The following ADAMTS18 variants were observed in gnomAD, a reference collection of about 807,000 sequenced individuals.
ADAMTS18 encodes A disintegrin and metalloproteinase with thrombospondin motifs 18.
A neutral mutation model predicts 165.9 loss-of-function variants in ADAMTS18; 157 were observed. The ratio of observed to expected loss-of-function variants is 0.95; its 90% CI spans 0.83 to 1.08. The LOEUF (loss-of-function observed/expected upper bound fraction) is 1.08. Among genes scored for constraint, ADAMTS18 ranks in the 50% least tolerant of loss-of-function variants. The pLI, the probability that ADAMTS18 is intolerant of heterozygous loss-of-function variation, is 0.00. For missense variants in ADAMTS18, 2,040 were observed against 1,534.0 expected, an observed-to-expected ratio of 1.33 and a Z score of -5.51; for synonymous variants, 782 against 578.2, an observed-to-expected ratio of 1.35 and a Z score of -5.06.
chr16:77,371,684 G>T (rs961493398), intron 3 of ADAMTS18, among the ~76,000 whole-genome samples: 6 of 152,038 alleles, frequency 3.9e-5, no homozygotes, highest in African/African-American at 1.4e-4. Context: ...GAAAACATAG[G>T]GAAAATACTT....
chr16:77,381,505 A>G (rs1457254212), intron 3 of ADAMTS18, among the ~76,000 whole-genome samples: 1 of 152,160 alleles, frequency 6.6e-6, no homozygotes, highest in East Asian at 1.9e-4. Flanking sequence ...GTTAAGTGGC[A>G]TTAAAATCAG....
chr16:77,364,648 G>C (rs910726770), intron 4 of ADAMTS18, among the ~76,000 whole-genome samples: 3 of 147,722 alleles, frequency 2.0e-5, no homozygotes, highest in African/African-American at 7.6e-5. Context: ...ATGGATGGAT[G>C]GTGGATGGAT....
rs530180955 is a variant in ADAMTS18 at position 77,363,094 on chromosome 16, G to A, written c.1056+708C>T. 8.5e-5 allele frequency among the ~76,000 whole-genome samples: 13 copies of A among 152,180 alleles called. No individual in the cohort carries two copies. In the East Asian group the frequency reaches 1.9e-3, roughly 23 times the overall value. The stretch of plus-strand genomic sequence containing the variant: ...GTTACAGAAGAAGAGGAAAAGCCTC[G>A]GGGGACTTAAAAAATAGCCATTTGA... On this transcript the variant is annotated intron_variant, in intron 6 of 22. Transcript: ENST00000282849.
intron 3 of ADAMTS18, among the ~76,000 whole-genome samples, chr16:77,369,130 T>C (rs1027584497): frequency 6.6e-6 from 1 of 152,236 alleles, no homozygotes; most frequent in African/African-American, 2.4e-5. Flanking sequence ...ACCTGCTGGA[T>C]CAAAGTCTAT....
At chr16:77,360,532 G>A (rs2056697366) in intron 7 of ADAMTS18, among the ~76,000 whole-genome samples, 1 of 152,158 alleles carries the variant, frequency 6.6e-6, no homozygotes, top group South Asian at 2.1e-4. Flanking sequence ...AGTACATTTT[G>A]GTCTCTGGAT....
chr16:77,364,802 A>C (rs1444310415), intron 4 of ADAMTS18, among the ~76,000 whole-genome samples: 3 of 146,036 alleles, frequency 2.1e-5, no homozygotes, highest in African/African-American at 8.2e-5. Flanking sequence ...CAAAGGAAAG[A>C]AAAGAAGAGA....
In ADAMTS18 at chr16:77,364,209, G is replaced by A; in HGVS notation, c.951C>T (p.Tyr317=). Residue 317 remains tyrosine (Y), a synonymous_variant, in exon 5 of 23, where the codon TAC becomes TAT. Transcript: ENST00000282849. ...TTACCATGTTCATTACTGTGAGAATGTATGTGGTGACATTTCCCTTGCCAT... is the reference window on the plus strand; with the variant it reads ...TTACCATGTTCATTACTGTGAGAATATATGTGGTGACATTTCCCTTGCCAT... ...EKHGKGNVTT[Y]ILTVMNMVSG... The A allele has an allele frequency of 1.2e-6, 2 of 1,614,064 alleles. No homozygotes were observed. The highest frequency in any genetic ancestry group is 1.7e-6 in the Non-Finnish European group (2 of 1,180,014).
intron 12 of ADAMTS18, among the ~76,000 whole-genome samples, chr16:77,331,594 A>G (rs1162940475): frequency 6.6e-6 from 1 of 152,164 alleles, no homozygotes; most frequent in Non-Finnish European, 1.5e-5. Context: ...GTGAGTCCCA[A>G]TCAGAGATTA....
At chr16:77,394,800 T>C (rs558640311) in intron 3 of ADAMTS18, among the ~76,000 whole-genome samples, 28 of 152,310 alleles carry the variant, frequency 1.8e-4, no homozygotes, top group African/African-American at 5.8e-4. Context: ...AGGATTGCCA[T>C]CATTAATTCA....
At chr16:77,304,431 A>G (rs1268316845) in intron 16 of ADAMTS18, among the ~76,000 whole-genome samples, 1 of 152,240 alleles carries the variant, frequency 6.6e-6, no homozygotes, top group Non-Finnish European at 1.5e-5. Context: ...ACTGCACTCC[A>G]GCCTGGGCCA....
intron 8 of ADAMTS18, among the ~76,000 whole-genome samples, chr16:77,356,985 A>AT (rs4038549): frequency 0.053 from 7,443 of 140,310 alleles, 267 homozygotes; most frequent in Middle Eastern, 0.088. Flanking sequence ...CTTTTCTGAA[A>AT]TTTTTTTTTT....
chr16:77,430,394 G>A (rs1016945357), intron 3 of ADAMTS18, among the ~76,000 whole-genome samples: 7 of 152,180 alleles, frequency 4.6e-5, no homozygotes, highest in South Asian at 2.1e-4. Context: ...ATGGGAGTCC[G>A]CATTCACCCG....
At chr16:77,349,064 T>C (rs991722871) in intron 10 of ADAMTS18, among the ~76,000 whole-genome samples, 1 of 152,210 alleles carries the variant, frequency 6.6e-6, no homozygotes, top group Non-Finnish European at 1.5e-5. Context: ...CTTGGTATGT[T>C]ACAAAGTAAT....
Position 77,415,336 on chromosome 16 carries a change from A to G in ADAMTS18, c.495+15959T>C, listed in dbSNP as rs559540752. Among the ~76,000 whole-genome samples the G allele has an allele frequency of 2.6e-5, 4 of 152,306 alleles. No individual in the cohort carries two copies. The East Asian group carries it at 7.7e-4, about 29-fold the overall frequency. On this transcript the variant is annotated intron_variant, in intron 3 of 22. Transcript: ENST00000282849. ...TTTCATTTCAAAATGTCAGAAATGAAAGTTAAACTAGATTAACAGAAAAGT... is the reference window on the plus strand; with the variant it reads ...TTTCATTTCAAAATGTCAGAAATGAGAGTTAAACTAGATTAACAGAAAAGT...
intron 3 of ADAMTS18, among the ~76,000 whole-genome samples, chr16:77,408,396 A>G (rs961243380): frequency 2.6e-5 from 4 of 152,162 alleles, no homozygotes; most frequent in Non-Finnish European, 4.4e-5. Context: ...TAAGACCTGC[A>G]AAAAGAATAG....
intron 10 of ADAMTS18, among the ~76,000 whole-genome samples, chr16:77,345,156 C>G (rs1443282988): frequency 6.6e-6 from 1 of 152,132 alleles, no homozygotes; most frequent in Non-Finnish European, 1.5e-5. Context: ...CAGTTGTATT[C>G]TATAGGCTGG....
At chr16:77,291,011 G>T in intron 21 of ADAMTS18, 1 of 438,334 alleles carries the variant, frequency 2.3e-6, no homozygotes. Flanking sequence ...GGTGGTAAGT[G>T]TTTTACATAC....
chr16:77,385,233 T>G (rs2057090176), intron 3 of ADAMTS18, among the ~76,000 whole-genome samples: 1 of 152,170 alleles, frequency 6.6e-6, no homozygotes, highest in South Asian at 2.1e-4. Context: ...TGATATAAGA[T>G]TAGTATCCCT....
intron 3 of ADAMTS18, among the ~76,000 whole-genome samples, chr16:77,423,975 A>C (rs1194836289): frequency 1.3e-5 from 2 of 152,226 alleles, no homozygotes; most frequent in African/African-American, 4.8e-5. Context: ...CTCCTAGTTC[A>C]AAGTCAAGAC....
Sources: allele counts gnomAD v4.1 joint callset (sites outside exome capture counted in the v4.1 genomes callset), GRCh38; gene constraint gnomAD v4.1.1; transcripts MANE v1.5; gene names NCBI Gene and HGNC (gene_info 2026-07-23, HGNC 2026-07-21).